Variants in TRABD2B observed in about 807,000 individuals in gnomAD.
TRABD2B encodes metalloprotease TIKI2.
TRABD2B carries 14 observed loss-of-function variants against 40.1 expected under a neutral mutation model. That is an observed-to-expected ratio of 0.35 (90% confidence interval 0.23 to 0.55). The LOEUF (loss-of-function observed/expected upper bound fraction) is 0.55. TRABD2B is among the 20% of genes least tolerant of loss of function. TRABD2B has a pLI of 0.90. For synonymous variants in TRABD2B, 263 were observed against 277.0 expected (o/e 0.95, Z 0.50); for missense variants, 541 against 648.6 (o/e 0.83, Z 1.80).
intron 2 of TRABD2B, among the ~76,000 whole-genome samples, chr1:47,822,149 T>TAC (rs77773814): frequency 0.023 from 3,398 of 150,506 alleles, 126 homozygotes; most frequent in African/African-American, 0.074. Flanking sequence ...TGTGTACACG[T>TAC]ACACACACAC....
At chr1:47,973,419 C>A (rs1003021755) in intron 2 of TRABD2B, among the ~76,000 whole-genome samples, 4 of 152,200 alleles carry the variant, frequency 2.6e-5, no homozygotes, top group African/African-American at 7.2e-5. Flanking sequence ...GATGATGTAA[C>A]CCGAAGATGC....
At chr1:47,966,193 G>A (rs903594925) in intron 2 of TRABD2B, among the ~76,000 whole-genome samples, 3 of 152,128 alleles carry the variant, frequency 2.0e-5, no homozygotes, top group African/African-American at 7.2e-5. Context: ...GCCAGGGCAG[G>A]GGGCTGTGGG....
At position 47,954,658 on chromosome 1, in the gene TRABD2B, T is replaced by C. The variant is rs1304444358; in HGVS notation, c.666+39376A>G. Among the ~76,000 whole-genome samples the C allele has an allele frequency of 4.6e-5, 7 of 152,158 alleles. No homozygotes were observed. The East Asian group carries it at 1.3e-3, about 29-fold the overall frequency. Reference sequence around the variant, plus strand: ...AGCTATGTGCATGTCACTGTGTGTGTGTCTGTATGTGTGTGCCTGTGTGTT... The same window carrying C: ...AGCTATGTGCATGTCACTGTGTGTGCGTCTGTATGTGTGTGCCTGTGTGTT... On this transcript the variant is annotated intron_variant, in intron 2 of 6. Transcript: ENST00000606738.
intron 2 of TRABD2B, among the ~76,000 whole-genome samples, chr1:47,863,009 A>C (rs982246525): frequency 6.6e-6 from 1 of 152,152 alleles, no homozygotes; most frequent in African/African-American, 2.4e-5. Context: ...ATGGTCATTC[A>C]CATGTAAAAT....
At chr1:47,817,244 G>A (rs1198924875) in intron 2 of TRABD2B, among the ~76,000 whole-genome samples, 3 of 151,974 alleles carry the variant, frequency 2.0e-5, no homozygotes, top group Admixed American at 1.3e-4. Flanking sequence ...GGATCCAGGA[G>A]AGCCAGTGTT....
chr1:47,933,196 C>T (rs1237767437), intron 2 of TRABD2B, among the ~76,000 whole-genome samples: 1 of 151,764 alleles, frequency 6.6e-6, no homozygotes, highest in African/African-American at 2.4e-5. Context: ...AGCTCTGCCT[C>T]CTGAGTTCAC....
intron 2 of TRABD2B, among the ~76,000 whole-genome samples, chr1:47,906,296 C>A (rs187010459): frequency 7.9e-4 from 121 of 152,262 alleles, no homozygotes; most frequent in Admixed American, 7.8e-3. Context: ...GTCTTGATAA[C>A]CCTAGGAGGT....
intron 2 of TRABD2B, among the ~76,000 whole-genome samples, chr1:47,956,901 T>A (rs1645431284): frequency 6.6e-6 from 1 of 152,230 alleles, no homozygotes; most frequent in South Asian, 2.1e-4. Flanking sequence ...ATGGACAGAC[T>A]GCCTCCTCAA....
chr1:47,848,513 T>A (rs1361188992), intron 2 of TRABD2B, among the ~76,000 whole-genome samples: 1 of 152,190 alleles, frequency 6.6e-6, no homozygotes, highest in Non-Finnish European at 1.5e-5. Context: ...CAACCAAACC[T>A]GGACCCTAAA....
At chr1:47,831,491 G>A (rs964227106) in intron 2 of TRABD2B, among the ~76,000 whole-genome samples, 1 of 152,156 alleles carries the variant, frequency 6.6e-6, no homozygotes, top group Non-Finnish European at 1.5e-5. Context: ...ACATTTGTCA[G>A]CTCCCAGGGA....
At chr1:47,890,365 C>A (rs1209463506) in intron 2 of TRABD2B, among the ~76,000 whole-genome samples, 1 of 152,132 alleles carries the variant, frequency 6.6e-6, no homozygotes, top group African/African-American at 2.4e-5. Context: ...ATGGAGGTGG[C>A]AGGTACAGTA....
intron 2 of TRABD2B, among the ~76,000 whole-genome samples, chr1:47,962,072 A>T (rs1274223602): frequency 1.3e-5 from 2 of 152,162 alleles, no homozygotes; most frequent in Non-Finnish European, 2.9e-5. Flanking sequence ...AGGGACATGG[A>T]TGAAGCTGGA....
intron 2 of TRABD2B, among the ~76,000 whole-genome samples, chr1:47,944,147 G>T (rs908884041): frequency 2.0e-5 from 3 of 152,156 alleles, no homozygotes; most frequent in Non-Finnish European, 4.4e-5. Context: ...ACACGGGAGT[G>T]CATGAGCCCA....
intron 2 of TRABD2B, among the ~76,000 whole-genome samples, chr1:47,869,596 G>A (rs1434750510): frequency 6.6e-6 from 1 of 152,190 alleles, no homozygotes; most frequent in Non-Finnish European, 1.5e-5. Context: ...CAAGTCTTGG[G>A]GCTGTGGAGT....
In TRABD2B at chr1:47,775,933, G is replaced by A. The variant is rs527983623; in HGVS notation, c.1080-494C>T. Among the ~76,000 whole-genome samples the A allele has an allele frequency of 4.1e-4, 63 of 152,214 alleles. 2 individuals are homozygous for A. The South Asian group carries it at 0.011, about 27-fold the overall frequency. On this transcript the variant is annotated intron_variant, in intron 5 of 6. Transcript: ENST00000606738. Reference sequence around the variant, plus strand: ...ACGTGAGGGAGCGAGCCCTGGGTACGTCTCTGGGGCGTATCTGAGCTTGGT... The same window carrying A: ...ACGTGAGGGAGCGAGCCCTGGGTACATCTCTGGGGCGTATCTGAGCTTGGT...
At chr1:47,897,596 G>A (rs1274200382) in intron 2 of TRABD2B, among the ~76,000 whole-genome samples, 1 of 152,158 alleles carries the variant, frequency 6.6e-6, no homozygotes, top group Non-Finnish European at 1.5e-5. Flanking sequence ...AGGCAAGGTA[G>A]GGCCACCATA....
At chr1:47,854,521 G>T (rs935328841) in intron 2 of TRABD2B, among the ~76,000 whole-genome samples, 2 of 152,188 alleles carry the variant, frequency 1.3e-5, no homozygotes, top group African/African-American at 4.8e-5. Flanking sequence ...TTTGCTAATT[G>T]CCTGGAATAA....
chr1:47,957,402 T>C (rs1645440427), intron 2 of TRABD2B, among the ~76,000 whole-genome samples: 1 of 152,076 alleles, frequency 6.6e-6, no homozygotes, highest in South Asian at 2.1e-4. Context: ...TGATCAGTAA[T>C]AACAAATTTC....
At chr1:47,954,076 G>A (rs1241801353) in intron 2 of TRABD2B, among the ~76,000 whole-genome samples, 2 of 152,214 alleles carry the variant, frequency 1.3e-5, no homozygotes, top group Non-Finnish European at 2.9e-5. Flanking sequence ...CAGCTTCACA[G>A]GATTGCAGAG....
Sources: gnomAD v4.1 joint callset for allele counts (sites outside exome capture counted in the v4.1 genomes callset) on GRCh38, gnomAD v4.1.1 for gene constraint, MANE v1.5 for transcripts, NCBI Gene and HGNC (gene_info 2026-07-23, HGNC 2026-07-21) for gene names.